The following SCLT1 variants were observed in gnomAD, a reference collection of about 807,000 sequenced individuals.
SCLT1 encodes sodium channel and clathrin linker 1.
A neutral mutation model predicts 112.8 loss-of-function variants in SCLT1; 78 were observed. That is an observed-to-expected ratio of 0.69 (90% CI 0.58 to 0.83). The LOEUF is 0.83. Among genes scored for constraint, SCLT1 ranks in the 40% least tolerant of loss-of-function variants. The pLI is 0.00. For synonymous variants in SCLT1, 257 were observed against 254.7 expected (o/e 1.01, Z -0.09); for missense variants, 747 against 770.4 (o/e 0.97, Z 0.36).
At chr4:128,920,564 G>A (rs1053155456) in intron 18 of SCLT1, among the ~76,000 whole-genome samples, 1 of 152,170 alleles carries the variant, frequency 6.6e-6, no homozygotes, top group East Asian at 1.9e-4. Context: ...AGTGCTGGGC[G>A]TAAGCCACTG....
intron 5 of SCLT1, among the ~76,000 whole-genome samples, chr4:129,026,021 C>G (rs976839549): frequency 6.6e-6 from 1 of 152,114 alleles, no homozygotes; most frequent in Admixed American, 6.6e-5. Flanking sequence ...ATATATGCAC[C>G]GAATACAGGA....
chr4:128,999,001 A>G (rs1743235128), intron 7 of SCLT1, among the ~76,000 whole-genome samples: 1 of 151,978 alleles, frequency 6.6e-6, no homozygotes, highest in Non-Finnish European at 1.5e-5. Context: ...AAAAGAACCA[A>G]CAGAAGAATA....
chr4:128,899,387 C>T (rs1168422744), intron 18 of SCLT1, among the ~76,000 whole-genome samples: 1 of 152,154 alleles, frequency 6.6e-6, no homozygotes, highest in Non-Finnish European at 1.5e-5. Context: ...AATCGATAAA[C>T]ATAATCCAGC....
intron 6 of SCLT1, among the ~76,000 whole-genome samples, chr4:129,001,229 G>C (rs1743454714): frequency 6.6e-6 from 1 of 151,654 alleles, no homozygotes; most frequent in African/African-American, 2.4e-5. Context: ...GATTCTCCTA[G>C]AGCAGTGGTT....
chr4:129,061,400 G>A (rs1749961080), intron 2 of SCLT1, among the ~76,000 whole-genome samples: 1 of 152,078 alleles, frequency 6.6e-6, no homozygotes, highest in Non-Finnish European at 1.5e-5. Context: ...CCTGTAGGGT[G>A]GGGTGTTTCA....
At chr4:128,931,937 T>C (rs556484330) in intron 18 of SCLT1, among the ~76,000 whole-genome samples, 1 of 134,064 alleles carries the variant, frequency 7.5e-6, no homozygotes, top group South Asian at 2.4e-4. Context: ...AAATCTATTA[T>C]ATTTCTATCC....
intron 18 of SCLT1, among the ~76,000 whole-genome samples, chr4:128,899,961 C>A (rs1253006145): frequency 1.3e-5 from 2 of 152,126 alleles, no homozygotes; most frequent in East Asian, 1.9e-4. Flanking sequence ...AGGAATCCAA[C>A]TTATAAGGGA....
chr4:128,915,040 G>A (rs957966844), intron 18 of SCLT1, among the ~76,000 whole-genome samples: 3 of 151,766 alleles, frequency 2.0e-5, no homozygotes, highest in African/African-American at 7.3e-5. Flanking sequence ...TGCACTGCTG[G>A]CTAGCACACT....
At chr4:128,933,015 C>T (rs572616319) in intron 18 of SCLT1, among the ~76,000 whole-genome samples, 2 of 152,172 alleles carry the variant, frequency 1.3e-5, no homozygotes, top group Admixed American at 1.3e-4. Context: ...GTCACAATGT[C>T]GATACTATTC....
At chr4:128,961,277 A>G (rs971474272) in intron 11 of SCLT1, among the ~76,000 whole-genome samples, 2 of 152,258 alleles carry the variant, frequency 1.3e-5, no homozygotes, top group South Asian at 2.1e-4. Flanking sequence ...GAAGAGTCCA[A>G]TTTAAGTTCC....
chr4:128,873,328 A>G (rs1732350999), intron 5 of SCLT1: 1 of 152,530 alleles, frequency 6.6e-6, no homozygotes, highest in African/African-American at 2.4e-5. Flanking sequence ...GAAATAGGTT[A>G]TATTTTAAAA....
At chr4:128,920,590 A>G (rs892626726) in intron 18 of SCLT1, among the ~76,000 whole-genome samples, 2 of 152,180 alleles carry the variant, frequency 1.3e-5, no homozygotes, top group African/African-American at 2.4e-5. Flanking sequence ...AGCCTAGAAA[A>G]GGCTTTTAAT....
chr4:129,056,084 C>T lies in SCLT1; in HGVS notation c.103-12033G>A, dbSNP rs149415307. On this transcript the variant is annotated intron_variant, in intron 2 of 20. Coordinates refer to ENST00000281142, the MANE Select transcript of SCLT1 (RefSeq NM_144643.4). ...CTTCACGGGTGAGGTGATGCTCCAC[C>T]CTGCTTCTGCTCACTCTCCATGGTC... 5.5e-3 allele frequency among the ~76,000 whole-genome samples: 832 copies of T among 152,260 alleles called. 8 individuals carry two copies. The highest frequency in any genetic ancestry group is 0.019 in the African/African-American group (783 of 41,554).
At chr4:128,942,924 G>T in intron 17 of SCLT1, 72 bp downstream of exon 17, 2 of 1,132,498 alleles carry the variant, frequency 1.8e-6, no homozygotes, top group East Asian at 2.4e-5. Context: ...AAGATGTTTT[G>T]CTAGGTCTCT....
At chr4:129,010,459 A>G (rs1744417284) in intron 5 of SCLT1, among the ~76,000 whole-genome samples, 1 of 152,148 alleles carries the variant, frequency 6.6e-6, no homozygotes, top group Admixed American at 6.5e-5. Context: ...AAGAATCTCA[A>G]TGGTAGTTTA....
At chr4:128,876,889 T>C (rs996799025) in intron 3 of SCLT1, among the ~76,000 whole-genome samples, 5 of 152,246 alleles carry the variant, frequency 3.3e-5, no homozygotes, top group Admixed American at 2.0e-4. Context: ...TCTTCAACTC[T>C]CACAGCCAAA....
At chr4:129,072,713 CATT>C (rs1485941594) in intron 2 of SCLT1, among the ~76,000 whole-genome samples, 2 of 152,136 alleles carry the variant, frequency 1.3e-5, no homozygotes, top group Non-Finnish European at 2.9e-5. Flanking sequence ...CTTCTTGTCT[CATT>C]TTTTGGATTT....
chr4:128,987,094 T>C (rs1742165140), intron 9 of SCLT1, among the ~76,000 whole-genome samples: 1 of 152,142 alleles, frequency 6.6e-6, no homozygotes, highest in African/African-American at 2.4e-5. Context: ...AATCTAAGCC[T>C]AGGAATGGTT....
At chr4:129,081,243 T>A (rs1751909952) in intron 2 of SCLT1, among the ~76,000 whole-genome samples, 1 of 152,116 alleles carries the variant, frequency 6.6e-6, no homozygotes, top group Non-Finnish European at 1.5e-5. Context: ...CTTTTCCTCA[T>A]CCCTTCCTAC....
Sources: allele counts gnomAD v4.1 joint callset (sites outside exome capture counted in the v4.1 genomes callset), GRCh38; gene constraint gnomAD v4.1.1; transcripts MANE v1.5; gene names NCBI Gene and HGNC (gene_info 2026-07-23, HGNC 2026-07-21).